Variants in RABGAP1L observed in about 807,000 individuals in gnomAD.
RABGAP1L encodes the protein RAB GTPase activating protein 1 like.
RABGAP1L carries 63 observed loss-of-function variants against 137.7 expected under a neutral mutation model. The observed-to-expected ratio is 0.46, with a 90% CI of 0.37 to 0.56. RABGAP1L has a LOEUF of 0.56. Ranked by LOEUF, RABGAP1L falls within the 20% of genes least tolerant of loss-of-function variation. The probability of loss-of-function intolerance (pLI) is 0.00; values close to 1 mark genes in which losing one functional copy is unlikely to be tolerated. For missense variants in RABGAP1L, 1,095 were observed against 1,244.0 expected (o/e 0.88, Z 1.80); for synonymous variants, 431 against 433.7 (o/e 0.99, Z 0.08).
chr1:174,539,458 A>G (rs1348158569), intron 13 of RABGAP1L, among the ~76,000 whole-genome samples: 1 of 152,034 alleles, frequency 6.6e-6, no homozygotes, highest in African/African-American at 2.4e-5. Flanking sequence ...ACACCCCACA[A>G]CAGGCCCTGG....
intron 13 of RABGAP1L, among the ~76,000 whole-genome samples, chr1:174,429,131 G>C (rs1006876672): frequency 2.2e-4 from 34 of 152,224 alleles, no homozygotes; most frequent in African/African-American, 8.2e-4. Context: ...GCATGGAGTA[G>C]AATAAAGCAG....
chr1:174,376,639 G>C (rs1276269851), intron 12 of RABGAP1L, among the ~76,000 whole-genome samples: 2 of 152,072 alleles, frequency 1.3e-5, no homozygotes, highest in African/African-American at 4.8e-5. Context: ...ACCCAATTCA[G>C]CATTCATTCT....
chr1:174,183,301 G>T (rs1012631976), intron 1 of RABGAP1L, among the ~76,000 whole-genome samples: 1 of 152,208 alleles, frequency 6.6e-6, no homozygotes, highest in Non-Finnish European at 1.5e-5. Flanking sequence ...CCGTGGTGAA[G>T]ATCACGGCTC....
intron 1 of RABGAP1L, among the ~76,000 whole-genome samples, chr1:174,210,248 G>A (rs1015600624): frequency 2.0e-5 from 3 of 152,112 alleles, no homozygotes; most frequent in Non-Finnish European, 4.4e-5. Flanking sequence ...CCTTACCAAA[G>A]GAACTAAATA....
chr1:174,913,452 A>G (rs886639162), intron 19 of RABGAP1L, among the ~76,000 whole-genome samples: 1 of 152,216 alleles, frequency 6.6e-6, no homozygotes, highest in Non-Finnish European at 1.5e-5. Context: ...TAGGACAGGC[A>G]GTTTTTCTTG....
chr1:174,507,002 T>C (rs1343957286), intron 13 of RABGAP1L, among the ~76,000 whole-genome samples: 5 of 152,120 alleles, frequency 3.3e-5, no homozygotes, highest in South Asian at 2.1e-4. Flanking sequence ...TCCCAGCTAC[T>C]TGGGGGGCTG....
At chr1:174,896,112 C>T (rs1360800257) in intron 19 of RABGAP1L, among the ~76,000 whole-genome samples, 1 of 152,104 alleles carries the variant, frequency 6.6e-6, no homozygotes, top group Non-Finnish European at 1.5e-5. Context: ...CTGTTGTTTC[C>T]TGACTTTTTA....
chr1:174,361,703 A>T (rs561816083), intron 11 of RABGAP1L, among the ~76,000 whole-genome samples: 3 of 152,140 alleles, frequency 2.0e-5, no homozygotes, highest in Non-Finnish European at 4.4e-5. Context: ...TTTTCCAAGC[A>T]TAAGATCGTA....
At chr1:174,873,541 T>C (rs1652550237) in intron 19 of RABGAP1L, among the ~76,000 whole-genome samples, 1 of 149,940 alleles carries the variant, frequency 6.7e-6, no homozygotes, top group Non-Finnish European at 1.5e-5. Flanking sequence ...GAGATGGAAT[T>C]CTCCCTCTGT....
intron 13 of RABGAP1L, among the ~76,000 whole-genome samples, chr1:174,513,167 T>C (rs1360337420): frequency 1.3e-5 from 2 of 152,210 alleles, no homozygotes; most frequent in African/African-American, 2.4e-5. Flanking sequence ...GTAAGTACTT[T>C]CGTTTATATT....
At chr1:174,532,907 A>T (rs907864798) in intron 13 of RABGAP1L, among the ~76,000 whole-genome samples, 1 of 152,228 alleles carries the variant, frequency 6.6e-6, no homozygotes, top group African/African-American at 2.4e-5. Context: ...ATATAACATG[A>T]TAAATATCCA....
chr1:174,765,086 C>T (rs901109345), intron 18 of RABGAP1L, among the ~76,000 whole-genome samples: 10 of 152,182 alleles, frequency 6.6e-5, no homozygotes, highest in African/African-American at 1.4e-4. Flanking sequence ...TGGCTGCAAC[C>T]GTAGGGCAGG....
intron 11 of RABGAP1L, among the ~76,000 whole-genome samples, chr1:174,327,153 A>G (rs1680503077): frequency 1.3e-5 from 2 of 152,212 alleles, no homozygotes; most frequent in South Asian, 4.1e-4. Context: ...GTAAGTGTCC[A>G]GGCAAATTCA....
At chr1:174,655,261 T>A (rs1349650620) in intron 14 of RABGAP1L, among the ~76,000 whole-genome samples, 1 of 152,218 alleles carries the variant, frequency 6.6e-6, no homozygotes, top group African/African-American at 2.4e-5. Flanking sequence ...AGAAAAAGGA[T>A]CCAGTTCAGA....
chr1:174,705,490 A>T (rs1319812134), intron 17 of RABGAP1L: 2 of 152,224 alleles, frequency 1.3e-5, no homozygotes, highest in African/African-American at 4.8e-5. Context: ...CATCATAGAT[A>T]TTACCTTTCC....
chr1:174,536,817 C>T (rs549533620), intron 13 of RABGAP1L, among the ~76,000 whole-genome samples: 1 of 152,228 alleles, frequency 6.6e-6, no homozygotes, highest in Admixed American at 6.5e-5. Flanking sequence ...ATGACAAATA[C>T]ATTTTTACCT....
chr1:174,769,496 C>G (rs1007275859), intron 18 of RABGAP1L, among the ~76,000 whole-genome samples: 1 of 152,164 alleles, frequency 6.6e-6, no homozygotes, highest in Non-Finnish European at 1.5e-5. Flanking sequence ...CACGTCCACA[C>G]CATAGAAGAA....
chr1:174,257,245 G>A (rs61828590), intron 7 of RABGAP1L, among the ~76,000 whole-genome samples: 13,608 of 152,156 alleles, frequency 0.089, 823 homozygotes, highest in East Asian at 0.22. Context: ...GAAGTACTAG[G>A]TATTGAGTTA....
chr1:174,469,592 G>A (rs1657678249), intron 13 of RABGAP1L, among the ~76,000 whole-genome samples: 1 of 152,120 alleles, frequency 6.6e-6, no homozygotes, highest in Non-Finnish European at 1.5e-5. Context: ...TCCTGGAAGT[G>A]TCTTTGCCCT....
Sources: allele counts gnomAD v4.1 joint callset (sites outside exome capture counted in the v4.1 genomes callset), GRCh38; gene constraint gnomAD v4.1.1; transcripts MANE v1.5; gene names NCBI Gene and HGNC (gene_info 2026-07-23, HGNC 2026-07-21).